ROBO2: variants seen among roughly 807,000 people sequenced by gnomAD.
The protein encoded by ROBO2 is roundabout homolog 2.
Under a neutral mutation model 160.8 loss-of-function variants are expected in ROBO2, and 53 were observed. The observed-to-expected ratio is 0.33, with a 90% CI of 0.26 to 0.41. The LOEUF is 0.41. Ranked by LOEUF, ROBO2 falls within the 10% of genes least tolerant of loss-of-function variation. ROBO2 has a pLI of 1.00. For missense variants in ROBO2, 1,577 were observed against 1,722.4 expected (o/e 0.92, Z 1.49); for synonymous variants, 664 against 611.7 (o/e 1.09, Z -1.26).
chr3:77,388,985 C>T (rs2153497023), intron 2 of ROBO2, among the ~76,000 whole-genome samples: 1 of 152,308 alleles, frequency 6.6e-6, no homozygotes, highest in East Asian at 1.9e-4. Context: ...ACTCTTGTTG[C>T]CCAGGCTGGA....
intron 2 of ROBO2, among the ~76,000 whole-genome samples, chr3:76,624,389 C>G (rs760697410): frequency 1.3e-5 from 2 of 152,096 alleles, no homozygotes; most frequent in Non-Finnish European, 2.9e-5. Flanking sequence ...TTTTCCTCTT[C>G]AAGGTGCTTA....
intron 2 of ROBO2, among the ~76,000 whole-genome samples, chr3:76,930,181 G>A (rs894868480): frequency 3.3e-5 from 5 of 151,910 alleles, no homozygotes; most frequent in South Asian, 4.2e-4. Context: ...GTGCCCCCAC[G>A]CAGGACTAAT....
chr3:76,550,923 AC>A, intron 2 of ROBO2, among the ~76,000 whole-genome samples: 1 of 152,038 alleles, frequency 6.6e-6, no homozygotes, highest in Non-Finnish European at 1.5e-5. Flanking sequence ...CTTAGTGTGA[AC>A]AGCCTGGGTG....
intron 2 of ROBO2, among the ~76,000 whole-genome samples, chr3:76,269,159 A>C (rs1389413830): frequency 6.6e-6 from 1 of 152,062 alleles, no homozygotes; most frequent in Admixed American, 6.6e-5. Flanking sequence ...CAACTAAAAG[A>C]GTGTAATTGA....
At chr3:76,683,463 G>GAA (rs5850282) in intron 2 of ROBO2, among the ~76,000 whole-genome samples, 11,149 of 117,520 alleles carry the variant, frequency 0.095, 599 homozygotes, top group Non-Finnish European at 0.13. Context: ...AACCCCCACC[G>GAA]AAAAAAAAAA....
At chr3:77,425,195 GAA>G (rs147560096) in intron 2 of ROBO2, among the ~76,000 whole-genome samples, 62 of 104,436 alleles carry the variant, frequency 5.9e-4, no homozygotes, top group African/African-American at 1.6e-3. Context: ...GCAATGGCAA[GAA>G]AAAAAAAAAA....
chr3:76,007,285 A>G (rs1023879174), intron 2 of ROBO2, among the ~76,000 whole-genome samples: 1 of 152,082 alleles, frequency 6.6e-6, no homozygotes, highest in Non-Finnish European at 1.5e-5. Flanking sequence ...GAGATTATGC[A>G]TTTTTCTTTT....
At chr3:77,116,000 T>C (rs2074160090) in intron 2 of ROBO2, among the ~76,000 whole-genome samples, 1 of 152,146 alleles carries the variant, frequency 6.6e-6, no homozygotes, top group Non-Finnish European at 1.5e-5. Context: ...GTGTGTAGAA[T>C]CAGGATTAAA....
At chr3:76,066,946 T>C (rs920305362) in intron 2 of ROBO2, among the ~76,000 whole-genome samples, 1 of 152,216 alleles carries the variant, frequency 6.6e-6, no homozygotes, top group Non-Finnish European at 1.5e-5. Context: ...CAGCAATTTC[T>C]TTTCAATTGT....
intron 2 of ROBO2, among the ~76,000 whole-genome samples, chr3:76,336,201 CT>C (rs2073880274): frequency 6.6e-6 from 1 of 151,244 alleles, no homozygotes; most frequent in South Asian, 2.1e-4. Context: ...TCCATGATAA[CT>C]TGAGATCACT....
chr3:77,448,108 C>T (rs2080746152), intron 2 of ROBO2, among the ~76,000 whole-genome samples: 1 of 152,076 alleles, frequency 6.6e-6, no homozygotes, highest in Admixed American at 6.6e-5. Flanking sequence ...TTCTTTATTG[C>T]TTGAATCCGG....
intron 2 of ROBO2, among the ~76,000 whole-genome samples, chr3:77,300,721 T>C (rs538561827): frequency 3.9e-5 from 6 of 152,200 alleles, no homozygotes; most frequent in East Asian, 1.9e-4. Context: ...TCAGTTTTCT[T>C]ATTAAAGTCT....
chr3:76,586,081 T>C (rs2086019302), intron 2 of ROBO2, among the ~76,000 whole-genome samples: 1 of 152,200 alleles, frequency 6.6e-6, no homozygotes, highest in Non-Finnish European at 1.5e-5. Context: ...ATCATAGTGC[T>C]GCTTTAAAAT....
rs555609334 is a variant in ROBO2, at chr3:76,628,330, A to G, written c.110-469684A>G. ...AGTGGCACGATCACAGCTTACCGCA[A>G]CCCCAAACTCCGCAACCCCAAACTC... On this transcript the variant is annotated intron_variant, in intron 2 of 26. Transcript: ENST00000487694. Among the ~76,000 whole-genome samples the G allele has an allele frequency of 1.8e-3, 267 of 151,672 alleles. 2 individuals carry two copies. The highest frequency in any genetic ancestry group is 3.4e-3 in the Middle Eastern group (1 of 292).
At chr3:76,276,133 A>G (rs1473477828) in intron 2 of ROBO2, among the ~76,000 whole-genome samples, 1 of 152,082 alleles carries the variant, frequency 6.6e-6, no homozygotes, top group Non-Finnish European at 1.5e-5. Context: ...AAGTACTTAA[A>G]GCAATTTGAA....
intron 19 of ROBO2, among the ~76,000 whole-genome samples, chr3:77,599,688 AG>A (rs1436762346): frequency 1.3e-5 from 2 of 152,160 alleles, no homozygotes; most frequent in African/African-American, 4.8e-5. Flanking sequence ...GGCAAAAAAA[AG>A]AATGAAATGA....
chr3:77,636,864 C>T (rs767506192), intron 24 of ROBO2, among the ~76,000 whole-genome samples: 25 of 152,048 alleles, frequency 1.6e-4, no homozygotes, highest in Admixed American at 9.2e-4. Flanking sequence ...GTCTATTTCC[C>T]GTATTTTTAA....
intron 2 of ROBO2, among the ~76,000 whole-genome samples, chr3:76,374,316 T>A (rs569482594): frequency 6.6e-6 from 1 of 152,144 alleles, no homozygotes; most frequent in South Asian, 2.1e-4. Context: ...AATATCTTAA[T>A]CCTTTTTCTG....
At position 76,937,273 on chromosome 3, in the gene ROBO2, T is replaced by G. The variant is rs190861943; in HGVS notation, c.110-160741T>G. Among the ~76,000 whole-genome samples, 242 of 152,328 alleles carry G rather than the reference T, an allele frequency of 1.6e-3. 1 individual carries two copies. The highest frequency in any genetic ancestry group is 5.3e-3 in the African/African-American group (219 of 41,572). ...ATGTCTACCTTACATGTGCCAGATC[T>G]GTGGCATGCTATGCTACCTTTTAAA... On this transcript the variant is annotated intron_variant, in intron 2 of 26. Coordinates refer to the ROBO2 transcript ENST00000487694.
Sources: gnomAD v4.1 joint callset for allele counts (sites outside exome capture counted in the v4.1 genomes callset) on GRCh38, gnomAD v4.1.1 for gene constraint, MANE v1.5 for transcripts, NCBI Gene and HGNC (gene_info 2026-07-23, HGNC 2026-07-21) for gene names.